The following CCL28 variants were observed in gnomAD, a reference collection of about 807,000 sequenced individuals.
CCL28 encodes the protein C-C motif chemokine 28.
Under a neutral mutation model 7.1 loss-of-function variants are expected in CCL28, and 4 were observed. The observed-to-expected ratio is 0.56, with a 90% confidence interval of 0.28 to 1.29. CCL28 has a LOEUF of 1.29. Ranked by LOEUF, CCL28 falls within the 50% of genes most tolerant of loss-of-function variation. The probability of loss-of-function intolerance (pLI) is 0.11; values close to 1 mark genes in which losing one functional copy is unlikely to be tolerated. For synonymous variants in CCL28, 55 were observed against 57.8 expected (o/e 0.95, Z 0.22); for missense variants, 151 against 163.4 (o/e 0.92, Z 0.41).
intron 2 of CCL28, among the ~76,000 whole-genome samples, chr5:43,385,754 A>C (rs146185790): frequency 1.9e-3 from 288 of 152,350 alleles, no homozygotes; most frequent in African/African-American, 6.7e-3. Flanking sequence ...TGCTTGAATA[A>C]AGTAAATATT....
At chr5:43,371,317 TG>T in the CCL28 span, among the ~76,000 whole-genome samples, 1 of 152,198 alleles carries the variant, frequency 6.6e-6, no homozygotes, top group Non-Finnish European at 1.5e-5. Context: ...ACGTGTGGAA[TG>T]GATGATTCCA....
chr5:43,358,515 T>C, the CCL28 span, among the ~76,000 whole-genome samples: 2 of 152,208 alleles, frequency 1.3e-5, no homozygotes, highest in African/African-American at 4.8e-5. Flanking sequence ...CAACTTAGTT[T>C]CCGTTTGGTG....
At chr5:43,392,404 A>C (rs1265272932) in intron 1 of CCL28, among the ~76,000 whole-genome samples, 1 of 152,196 alleles carries the variant, frequency 6.6e-6, no homozygotes, top group Non-Finnish European at 1.5e-5. Context: ...GGTGTGAGCC[A>C]CCATGCTGGG....
rs1438970972 is a variant in CCL28 at position 43,379,274 on chromosome 5, A to C, written c.*2586T>G. On this transcript the variant is annotated 3_prime_UTR_variant, in exon 3 of 3. Transcript: ENST00000361115. ...GAAAATAATTCAAGTTGTTAGTTGAAAGAATTAGACACCAGTGTTTTGGTA... is the reference window on the plus strand; with the variant it reads ...GAAAATAATTCAAGTTGTTAGTTGACAGAATTAGACACCAGTGTTTTGGTA... 1 of 151,328 alleles carries C rather than the reference A, an allele frequency of 6.6e-6. No homozygotes were observed. The highest frequency in any genetic ancestry group is 6.6e-5 in the Admixed American group (1 of 15,232). The allele number at this position is 151,328 out of a possible 1,614,324, so 9.4% of individuals were successfully genotyped here. A position where few individuals can be genotyped will look rare whatever the true frequency, so the allele number is the denominator to read the frequency against.
At chr5:43,360,008 G>T in the CCL28 span, among the ~76,000 whole-genome samples, 2 of 152,084 alleles carry the variant, frequency 1.3e-5, no homozygotes, top group Non-Finnish European at 2.9e-5. Flanking sequence ...AGGGTTCTCA[G>T]GGAGGCTGAT....
downstream of CCL28, chr5:43,377,163 A>AG (rs1739909109): frequency 6.6e-6 from 1 of 152,232 alleles, no homozygotes; most frequent in African/African-American, 2.4e-5. Context: ...GGAAAAGGAA[A>AG]GGAGTATGGA....
At chr5:43,384,510 G>A (rs1227568591) in intron 2 of CCL28, among the ~76,000 whole-genome samples, 3 of 152,144 alleles carry the variant, frequency 2.0e-5, no homozygotes, top group African/African-American at 7.2e-5. Flanking sequence ...TTGGAAACGG[G>A]GCTGGCCTAT....
rs764838507 is a variant in CCL28, at chr5:43,381,965, A to AT, written c.278dup (p.Asn93LysfsTer3). 49 of 1,613,548 alleles carry AT rather than the reference A, an allele frequency of 3.0e-5. No individual in the cohort carries two copies. Among genetic ancestry groups the AT allele is most frequent in the Non-Finnish European group, 4.1e-5 (48 of 1,179,948 alleles). On this transcript the variant is annotated frameshift_variant, in exon 3 of 3. Coordinates refer to ENST00000361115, the MANE Select transcript of CCL28 (RefSeq NM_148672.3). LOFTEE classifies it low-confidence loss of function (END_TRUNC). ...TCCTGTGGCAAACATTTCCTTTACC[A>AT]TTTTTCTTGGCAGCTTGCACTTTCA...
chr5:43,369,950 G>A, the CCL28 span, among the ~76,000 whole-genome samples: 1 of 152,152 alleles, frequency 6.6e-6, no homozygotes, highest in African/African-American at 2.4e-5. Context: ...AGTATGGGAA[G>A]AGACCACATG....
At chr5:43,374,774 C>G (rs1165340613), downstream of CCL28, among the ~76,000 whole-genome samples, 1 of 109,996 alleles carries the variant, frequency 9.1e-6, no homozygotes, top group Admixed American at 9.0e-5. Flanking sequence ...GAGTGAGACT[C>G]TGTCTCAAAA....
chr5:43,388,212 A>G (rs1740418328), intron 2 of CCL28, 138 bp downstream of exon 2: 3 of 1,104,028 alleles, frequency 2.7e-6, no homozygotes, highest in African/African-American at 1.6e-5. Context: ...CCTAATGGAC[A>G]GAATATTTAC....
At chr5:43,405,618 C>G (rs978022884) in intron 1 of CCL28, among the ~76,000 whole-genome samples, 4 of 152,082 alleles carry the variant, frequency 2.6e-5, no homozygotes, top group Non-Finnish European at 4.4e-5. Flanking sequence ...CATTCAAAAG[C>G]CTACAGGAGT....
At chr5:43,371,174 C>T in the CCL28 span, among the ~76,000 whole-genome samples, 1 of 152,224 alleles carries the variant, frequency 6.6e-6, no homozygotes, top group Non-Finnish European at 1.5e-5. Context: ...TATCAAGCAA[C>T]AGAACATTAC....
chr5:43,399,849 CTT>C (rs796272225), intron 1 of CCL28, among the ~76,000 whole-genome samples: 19 of 138,882 alleles, frequency 1.4e-4, no homozygotes, highest in East Asian at 8.2e-4. Context: ...TATTTCTTTT[CTT>C]TTTTTTTTTT....
the CCL28 span, among the ~76,000 whole-genome samples, chr5:43,363,550 G>A: frequency 1.3e-5 from 2 of 152,220 alleles, no homozygotes; most frequent in Non-Finnish European, 2.9e-5. Context: ...ACTCACTGAA[G>A]TAGAAAGAAT....
chr5:43,408,554 G>T (rs1741399378), intron 1 of CCL28, among the ~76,000 whole-genome samples: 1 of 152,026 alleles, frequency 6.6e-6, no homozygotes, highest in South Asian at 2.1e-4. Context: ...TGAGTTAATG[G>T]GTGCAGCACA....
chr5:43,375,172 G>A (rs971796633), downstream of CCL28, among the ~76,000 whole-genome samples: 3 of 151,486 alleles, frequency 2.0e-5, no homozygotes, highest in South Asian at 2.1e-4. Flanking sequence ...TGTATTTTTA[G>A]TACAGAAGGT....
intron 2 of CCL28, among the ~76,000 whole-genome samples, chr5:43,387,221 CA>C (rs1415820501): frequency 4.6e-5 from 7 of 152,152 alleles, no homozygotes; most frequent in African/African-American, 1.7e-4. Context: ...TGGAGGTGTA[CA>C]AGTGTTCTGA....
At chr5:43,367,949 C>T in the CCL28 span, among the ~76,000 whole-genome samples, 2 of 152,196 alleles carry the variant, frequency 1.3e-5, no homozygotes, top group African/African-American at 4.8e-5. Flanking sequence ...CCCAGAACTG[C>T]CATGAAGTTA....
Sources: allele counts gnomAD v4.1 joint callset (sites outside exome capture counted in the v4.1 genomes callset), GRCh38; gene constraint gnomAD v4.1.1; transcripts MANE v1.5; gene names NCBI Gene and HGNC (gene_info 2026-07-23, HGNC 2026-07-21).